Variants in TGFBRAP1 observed in about 807,000 individuals in gnomAD.
TGFBRAP1 encodes transforming growth factor beta receptor associated protein 1.
A neutral mutation model predicts 83.2 loss-of-function variants in TGFBRAP1; 20 were observed. The observed-to-expected ratio is 0.24, with a 90% CI of 0.17 to 0.35. The LOEUF (loss-of-function observed/expected upper bound fraction) is 0.35, where lower values mean the gene tolerates loss of function less well. Ranked by LOEUF, TGFBRAP1 falls within the 10% of genes least tolerant of loss-of-function variation. TGFBRAP1 has a pLI of 1.00. For missense variants in TGFBRAP1, 950 were observed against 1,099.4 expected (o/e 0.86, Z 1.92); for synonymous variants, 415 against 459.8 (o/e 0.90, Z 1.25).
intron 10 of TGFBRAP1, among the ~76,000 whole-genome samples, chr2:105,272,158 G>A (rs190411879): frequency 2.2e-4 from 34 of 152,324 alleles, no homozygotes; most frequent in Non-Finnish European, 1.5e-4. Flanking sequence ...AATGTGGCAA[G>A]AAACTAGTTA....
chr2:105,301,739 T>C (rs1678302440), intron 2 of TGFBRAP1, among the ~76,000 whole-genome samples: 1 of 152,176 alleles, frequency 6.6e-6, no homozygotes, highest in African/African-American at 2.4e-5. Flanking sequence ...ATTTTCTTTT[T>C]CTTTTTGAGA....
At chr2:105,285,065 G>A (rs887495980) in intron 4 of TGFBRAP1, among the ~76,000 whole-genome samples, 7 of 152,178 alleles carry the variant, frequency 4.6e-5, no homozygotes, top group South Asian at 2.1e-4. Context: ...CTCCGTCACC[G>A]TCCAGCATGG....
intron 5 of TGFBRAP1, among the ~76,000 whole-genome samples, chr2:105,282,579 C>T (rs1007885065): frequency 6.6e-6 from 1 of 152,150 alleles, no homozygotes; most frequent in African/African-American, 2.4e-5. Context: ...GATCTCACCA[C>T]TTTGGGAGGC....
At chr2:105,273,841 T>A (rs561177361) in intron 8 of TGFBRAP1, 151 bp from the exon 9 acceptor site, 1 of 1,010,348 alleles carries the variant, frequency 9.9e-7, no homozygotes, top group South Asian at 1.8e-5. Flanking sequence ...TGTATGTCAA[T>A]CATATCTCAA....
chr2:105,306,297 G>A (rs1346329302), intron 2 of TGFBRAP1, among the ~76,000 whole-genome samples: 1 of 151,832 alleles, frequency 6.6e-6, no homozygotes, highest in Admixed American at 6.6e-5. Flanking sequence ...CCCCACCACA[G>A]GTGATCCACC....
intron 2 of TGFBRAP1, among the ~76,000 whole-genome samples, chr2:105,305,909 C>T (rs1678479466): frequency 6.6e-6 from 1 of 152,212 alleles, no homozygotes; most frequent in African/African-American, 2.4e-5. Context: ...CCTGCTTCGG[C>T]ATCCCAAAGT....
intron 2 of TGFBRAP1, among the ~76,000 whole-genome samples, chr2:105,300,322 T>G (rs1678241131): frequency 6.6e-6 from 1 of 152,164 alleles, no homozygotes; most frequent in Non-Finnish European, 1.5e-5. Flanking sequence ...AGAAGGTTGG[T>G]TCATTTAGCC....
At position 105,283,309 on chromosome 2, in the gene TGFBRAP1, T is replaced by G. The variant is rs563249338; in HGVS notation, c.1121+1007A>C. Among the ~76,000 whole-genome samples the G allele has an allele frequency of 2.6e-5, 4 of 152,332 alleles. No individual in the cohort carries two copies. The South Asian group carries it at 8.3e-4, about 32-fold the overall frequency. On this transcript the variant is annotated intron_variant, in intron 5 of 11. Coordinates refer to ENST00000393359, the MANE Select transcript of TGFBRAP1 (RefSeq NM_004257.6). The stretch of plus-strand genomic sequence containing the variant: ...CAACCGATTGTGTAACTGTAATCAT[T>G]TTCAGTAATGCCATTCTTCAAATAT...
Position 105,286,074 on chromosome 2 carries a change from A to G in TGFBRAP1, c.1039-1676T>C, listed in dbSNP as rs3828301. 3.4e-3 allele frequency among the ~76,000 whole-genome samples: 515 copies of G among 152,198 alleles called. 20 individuals carry two copies. In the East Asian group the frequency reaches 0.079, roughly 23 times the overall value. Reference sequence around the variant, plus strand: ...TGAGGAGAAATCAGAACGGCAATTTATTCCTTATGGCGGTAGGATTCAAAT... The same window carrying G: ...TGAGGAGAAATCAGAACGGCAATTTGTTCCTTATGGCGGTAGGATTCAAAT... On this transcript the variant is annotated intron_variant, in intron 4 of 11. Transcript: ENST00000393359.
chr2:105,281,913 G>A (rs970509207), intron 5 of TGFBRAP1, among the ~76,000 whole-genome samples: 6 of 151,962 alleles, frequency 3.9e-5, no homozygotes, highest in African/African-American at 1.5e-4. Context: ...GTAGAGGCCA[G>A]GGCTGCTGCC....
At position 105,288,963 on chromosome 2, in the gene TGFBRAP1, A is replaced by G. The variant is rs370002259; in HGVS notation, c.1039-4565T>C. 7.5e-4 allele frequency among the ~76,000 whole-genome samples: 114 copies of G among 152,326 alleles called. 2 individuals carry two copies. The South Asian group carries it at 0.023, about 31-fold the overall frequency. On this transcript the variant is annotated intron_variant, in intron 4 of 11. Transcript: ENST00000393359. ...AGAGGCTCTGAAAAAACCTTCAATT[A>G]AGAAGCCCAATTAACTTAGCCTTCC... is the stretch of plus-strand genomic sequence containing the variant.
chr2:105,322,059 A>C (rs1679083016), intron 1 of TGFBRAP1, among the ~76,000 whole-genome samples: 1 of 152,298 alleles, frequency 6.6e-6, no homozygotes. Context: ...CTGCCCCCGA[A>C]GACCTTCCAG....
intron 1 of TGFBRAP1, among the ~76,000 whole-genome samples, chr2:105,316,292 G>T (rs1015038534): frequency 1.3e-5 from 2 of 150,040 alleles, no homozygotes; most frequent in Non-Finnish European, 3.0e-5. Flanking sequence ...TCATTGGCTT[G>T]TGCCTTTATG....
At chr2:105,315,966 C>G (rs1250359215) in intron 1 of TGFBRAP1, among the ~76,000 whole-genome samples, 1 of 152,142 alleles carries the variant, frequency 6.6e-6, no homozygotes. Flanking sequence ...CCACTTACCC[C>G]CATTTAATTG....
Position 105,267,517 on chromosome 2 carries a change from G to T in TGFBRAP1, c.2449C>A (p.Leu817Ile), listed in dbSNP as rs1412039218. 4 of 1,614,244 alleles carry T rather than the reference G, an allele frequency of 2.5e-6. No homozygotes were observed. The highest frequency in any genetic ancestry group is 1.6e-4 in the Middle Eastern group (1 of 6,062). ...GSSIQLSDKK[L>I]CQICQNPFCE... ...AAGGGATTTTGGCATATCTGACAAA[G>T]CTTTTTGTCTGAGAGTTGGATTGAG... Residue 817 changes from leucine (L) to isoleucine (I), a missense_variant, in exon 12 of 12, where the codon CTT (leucine) becomes ATT (isoleucine). Leu to Ile is a conservative substitution (Grantham distance 5). Transcript: ENST00000393359.
At chr2:105,258,087 C>G in the TGFBRAP1 span, among the ~76,000 whole-genome samples, 4 of 152,248 alleles carry the variant, frequency 2.6e-5, no homozygotes, top group African/African-American at 4.8e-5. Context: ...CTGCCTCCCT[C>G]TATGACCAGG....
At chr2:105,259,011 G>A in the TGFBRAP1 span, among the ~76,000 whole-genome samples, 1 of 152,218 alleles carries the variant, frequency 6.6e-6, no homozygotes, top group Non-Finnish European at 1.5e-5. Flanking sequence ...CCAATGTTGA[G>A]TTGCATGAAA....
At chr2:105,262,234 T>C (rs1487829430), downstream of TGFBRAP1, among the ~76,000 whole-genome samples, 2 of 152,006 alleles carry the variant, frequency 1.3e-5, no homozygotes, top group Non-Finnish European at 2.9e-5. Flanking sequence ...GTGTTGGAGG[T>C]GGGGCCTAGT....
intron 2 of TGFBRAP1, among the ~76,000 whole-genome samples, chr2:105,302,381 A>G (rs1165131296): frequency 1.3e-5 from 2 of 152,192 alleles, no homozygotes; most frequent in Non-Finnish European, 2.9e-5. Context: ...ACACACAAAT[A>G]TAAGTCCCCA....
Sources: allele counts gnomAD v4.1 joint callset (sites outside exome capture counted in the v4.1 genomes callset), GRCh38; gene constraint gnomAD v4.1.1; transcripts MANE v1.5; gene names NCBI Gene and HGNC (gene_info 2026-07-23, HGNC 2026-07-21).